The following ATL1 variants were observed in gnomAD, a reference collection of about 807,000 sequenced individuals.
The protein encoded by ATL1 is atlastin GTPase 1.
Under a neutral mutation model 75.5 loss-of-function variants are expected in ATL1, and 31 were observed. The ratio of observed to expected loss-of-function variants is 0.41; its 90% CI spans 0.31 to 0.55. The LOEUF is 0.55. Ranked by LOEUF, ATL1 falls within the 20% of genes least tolerant of loss-of-function variation. ATL1 has a pLI of 0.27. For missense variants in ATL1, 405 were observed against 662.6 expected, an observed-to-expected ratio of 0.61 and a Z score of 4.27; for synonymous variants, 226 against 233.3, an observed-to-expected ratio of 0.97 and a Z score of 0.28.
intron 1 of ATL1, among the ~76,000 whole-genome samples, chr14:50,544,055 G>T (rs954566293): frequency 2.0e-5 from 3 of 152,194 alleles, no homozygotes; most frequent in African/African-American, 7.2e-5. Flanking sequence ...TTATTGCTCC[G>T]CAAAGGAAAC....
chr14:50,602,258 G>T (rs1190862932), intron 6 of ATL1, among the ~76,000 whole-genome samples: 1 of 152,184 alleles, frequency 6.6e-6, no homozygotes, highest in Non-Finnish European at 1.5e-5. Flanking sequence ...GGAGCTCTGT[G>T]TGTGTGCTTG....
At chr14:50,533,273 A>T in exon 1 of ATL1, 1 of 151,910 alleles carries the variant, frequency 6.6e-6, no homozygotes, top group Non-Finnish European at 1.5e-5. Flanking sequence ...GGGGTCACAG[A>T]CTGGTTCTGG....
At chr14:50,580,189 G>A (rs1023299578) in intron 1 of ATL1, among the ~76,000 whole-genome samples, 34 of 152,086 alleles carry the variant, frequency 2.2e-4, no homozygotes, top group African/African-American at 7.5e-4. Context: ...CCTAGTTAAT[G>A]GAAATTTGGG....
Position 50,632,764 on chromosome 14 carries a change from G to A in ATL1, c.*425G>A, listed in dbSNP as rs910058171. 5.3e-6 allele frequency: 1 copy of A among 190,192 alleles called. No homozygotes were observed. The highest frequency in any genetic ancestry group is 2.4e-5 in the African/African-American group (1 of 42,340). 11.8% of individuals were successfully genotyped at this position (190,192 alleles called of 1,614,324 possible). A position where few individuals can be genotyped will look rare whatever the true frequency, so the allele number is the denominator to read the frequency against. On this transcript the variant is annotated 3_prime_UTR_variant, in exon 14 of 14. Coordinates refer to ENST00000358385, the MANE Select transcript of ATL1 (RefSeq NM_015915.5). The stretch of plus-strand genomic sequence containing the variant: ...TAAAACACAGCATCATAACTCAGCA[G>A]GCTGGATTTAATCTGTATCATCTTA...
intron 7 of ATL1, among the ~76,000 whole-genome samples, chr14:50,613,562 T>G (rs1202247214): frequency 6.6e-6 from 1 of 152,196 alleles, no homozygotes; most frequent in Non-Finnish European, 1.5e-5. Flanking sequence ...TTAAATCACT[T>G]CAAGACTGAC....
At chr14:50,569,498 A>G (rs1008927120) in intron 1 of ATL1, among the ~76,000 whole-genome samples, 2 of 152,186 alleles carry the variant, frequency 1.3e-5, no homozygotes, top group South Asian at 2.1e-4. Context: ...TACAAGTATT[A>G]TTATATTAGC....
At chr14:50,609,430 T>A (rs1371743751) in intron 6 of ATL1, among the ~76,000 whole-genome samples, 2 of 151,940 alleles carry the variant, frequency 1.3e-5, no homozygotes, top group Non-Finnish European at 2.9e-5. Context: ...TAGTTGATGG[T>A]GGTATTGGTA....
chr14:50,547,541 T>TA (rs2038649112), intron 1 of ATL1, among the ~76,000 whole-genome samples: 1 of 152,188 alleles, frequency 6.6e-6, no homozygotes, highest in Admixed American at 6.5e-5. Flanking sequence ...GATGAAATAA[T>TA]ACTGCCTACC....
At chr14:50,583,511 A>T (rs992946505) in intron 1 of ATL1, among the ~76,000 whole-genome samples, 3 of 152,184 alleles carry the variant, frequency 2.0e-5, no homozygotes, top group African/African-American at 7.2e-5. Flanking sequence ...GACTAAATGT[A>T]ATAAACCTCT....
At chr14:50,560,329 T>G in intron 1 of ATL1, 30 bp downstream of exon 1, 1 of 1,612,374 alleles carries the variant, frequency 6.2e-7, no homozygotes, top group Non-Finnish European at 8.5e-7. Context: ...TTCTGCAGCC[T>G]GCACGGGGTC....
chr14:50,614,698 C>T (rs1415469361), intron 8 of ATL1, among the ~76,000 whole-genome samples, 187 bp downstream of exon 8: 1 of 152,114 alleles, frequency 6.6e-6, no homozygotes, highest in Non-Finnish European at 1.5e-5. Context: ...ATTCTATGGG[C>T]GCTGGATGTA....
At chr14:50,535,512 A>G (rs972737975) in intron 1 of ATL1, among the ~76,000 whole-genome samples, 1 of 152,274 alleles carries the variant, frequency 6.6e-6, no homozygotes, top group Non-Finnish European at 1.5e-5. Context: ...TCTGTTAAAC[A>G]GAAATCAATT....
intron 5 of ATL1, among the ~76,000 whole-genome samples, chr14:50,594,577 A>G (rs1267467457): frequency 6.6e-6 from 1 of 152,176 alleles, no homozygotes; most frequent in African/African-American, 2.4e-5. Context: ...AGAAACAAAG[A>G]AGCAGAGTTT....
In ATL1 at chr14:50,560,309, A is replaced by G. The variant is rs2140173150; in HGVS notation, c.34+10A>G. ...GACAGAAACAGTTGGGGTGAGTAGC[A>G]AATGAGAACTTCTGCAGCCTGCACG... On this transcript the variant is annotated intron_variant, in intron 1 of 13. Coordinates refer to ENST00000358385, the MANE Select transcript of ATL1 (RefSeq NM_015915.5). 6.2e-7 allele frequency: 1 copy of G among 1,613,802 alleles called. No homozygotes were observed. The highest frequency in any genetic ancestry group is 8.5e-7 in the Non-Finnish European group (1 of 1,179,822).
At chr14:50,543,516 T>G (rs894171275) in intron 1 of ATL1, among the ~76,000 whole-genome samples, 2 of 152,212 alleles carry the variant, frequency 1.3e-5, no homozygotes, top group Non-Finnish European at 2.9e-5. Context: ...AGCAAGAAAG[T>G]AATTTTATTA....
At chr14:50,571,150 T>G (rs561672030) in intron 1 of ATL1, among the ~76,000 whole-genome samples, 1 of 152,176 alleles carries the variant, frequency 6.6e-6, no homozygotes, top group South Asian at 2.1e-4. Flanking sequence ...AGAGGTGGGG[T>G]GTGCAACAAG....
At chr14:50,574,132 C>T (rs745988588) in intron 1 of ATL1, among the ~76,000 whole-genome samples, 1 of 152,112 alleles carries the variant, frequency 6.6e-6, no homozygotes, top group African/African-American at 2.4e-5. Flanking sequence ...CCTTATACTC[C>T]GTGCCTGTTC....
At position 50,560,150 on chromosome 14, in the gene ATL1, C is replaced by G; in HGVS notation, c.-116C>G. ...AGCGCCACAGCAACATCCTCAGAGT[C>G]TGAGCGAACTGCGCCCAGCGCGGGC... On this transcript the variant is annotated 5_prime_UTR_variant, in exon 1 of 14. Coordinates refer to ENST00000358385, the MANE Select transcript of ATL1 (RefSeq NM_015915.5). The G allele has an allele frequency of 8.0e-7, 1 of 1,251,014 alleles. No homozygotes were observed. Among genetic ancestry groups the G allele is most frequent in the Non-Finnish European group, 1.1e-6 (1 of 871,154 alleles). The allele number at this position is 1,251,014 out of a possible 1,614,324, so 77.5% of individuals were successfully genotyped here.
At chr14:50,545,353 G>T (rs1410020556) in intron 1 of ATL1, among the ~76,000 whole-genome samples, 1 of 152,062 alleles carries the variant, frequency 6.6e-6, no homozygotes, top group African/African-American at 2.4e-5. Context: ...ATAAAATCCT[G>T]GGCTTTTCTT....
Sources: gnomAD v4.1 joint callset for allele counts (sites outside exome capture counted in the v4.1 genomes callset) on GRCh38, gnomAD v4.1.1 for gene constraint, MANE v1.5 for transcripts, NCBI Gene and HGNC (gene_info 2026-07-23, HGNC 2026-07-21) for gene names.